The following PDXDC1 variants were observed in gnomAD, a reference collection of about 807,000 sequenced individuals.
PDXDC1 encodes the protein pyridoxal dependent decarboxylase domain containing 1, also known as pyridoxal-dependent decarboxylase domain-containing protein 1.
PDXDC1 carries 42 observed loss-of-function variants against 100.1 expected under a neutral mutation model. That is an observed-to-expected ratio of 0.42 (90% CI 0.33 to 0.54). The LOEUF (loss-of-function observed/expected upper bound fraction) is 0.54, where lower values mean the gene tolerates loss of function less well. PDXDC1 is among the 20% of genes least tolerant of loss of function. PDXDC1 has a pLI of 0.10. For missense variants in PDXDC1, 636 were observed against 979.2 expected (o/e 0.65, Z 4.68); for synonymous variants, 260 against 371.7 (o/e 0.70, Z 3.46).
At chr16:15,128,759 C>T (rs1306542562) in intron 16 of PDXDC1, among the ~76,000 whole-genome samples, 4 of 151,936 alleles carry the variant, frequency 2.6e-5, no homozygotes, top group Non-Finnish European at 4.4e-5. Flanking sequence ...GACTGCAAAG[C>T]GTGAAGCTGT....
intron 1 of PDXDC1, among the ~76,000 whole-genome samples, chr16:14,993,125 A>T (rs75768407): frequency 6.6e-6 from 1 of 152,088 alleles, no homozygotes; most frequent in Non-Finnish European, 1.5e-5. Context: ...ATGACACTTT[A>T]AAAAAAAATT....
chr16:15,145,659 A>G, the PDXDC1 span, among the ~76,000 whole-genome samples: 1 of 152,144 alleles, frequency 6.6e-6, no homozygotes, highest in Non-Finnish European at 1.5e-5. Flanking sequence ...GTGCCTGGGC[A>G]CCCCGGCCCC....
chr16:14,990,719 C>T (rs1970585765), intron 1 of PDXDC1, among the ~76,000 whole-genome samples: 1 of 152,286 alleles, frequency 6.6e-6, no homozygotes, highest in Non-Finnish European at 1.5e-5. Flanking sequence ...GGCTTACTCC[C>T]TGAAGAGCAA....
At chr16:15,017,946 C>T (rs530665643) in intron 11 of PDXDC1, among the ~76,000 whole-genome samples, 1 of 152,232 alleles carries the variant, frequency 6.6e-6, no homozygotes, top group Admixed American at 6.5e-5. Context: ...AGGCATGCGC[C>T]ACCACGCCCG....
intron 16 of PDXDC1, among the ~76,000 whole-genome samples, chr16:15,101,071 T>A (rs547788314): frequency 6.6e-6 from 1 of 152,322 alleles, no homozygotes; most frequent in South Asian, 2.1e-4. Flanking sequence ...AGAACTTCAA[T>A]TTTCTTATGT....
intron 1 of PDXDC1, among the ~76,000 whole-genome samples, chr16:14,980,928 T>G: frequency 6.6e-6 from 1 of 152,284 alleles, no homozygotes; most frequent in Non-Finnish European, 1.5e-5. Flanking sequence ...TAATCGAAGG[T>G]GAGCTGTGGT....
At chr16:15,058,717 T>C (rs1395804815) in intron 16 of PDXDC1, among the ~76,000 whole-genome samples, 1 of 152,090 alleles carries the variant, frequency 6.6e-6, no homozygotes, top group African/African-American at 2.4e-5. Context: ...GGTGACAGAG[T>C]GAGACTCTTG....
chr16:15,147,418 G>A, the PDXDC1 span, among the ~76,000 whole-genome samples: 1 of 152,226 alleles, frequency 6.6e-6, no homozygotes, highest in African/African-American at 2.4e-5. Flanking sequence ...AATGAGACCA[G>A]GAGTGGCTGC....
At chr16:15,072,288 T>C (rs1385845555) in intron 16 of PDXDC1, among the ~76,000 whole-genome samples, 3 of 149,778 alleles carry the variant, frequency 2.0e-5, no homozygotes, top group Middle Eastern at 3.2e-3. Context: ...AGACAAAGCC[T>C]AAAGTTTTTA....
rs747661909 is a variant in PDXDC1 at position 15,038,007 on chromosome 16, G to GCTTT, written c.*1737_*1740dup. The GCTTT allele has an allele frequency of 2.5e-6, 4 of 1,587,146 alleles. No homozygotes were observed. The highest frequency in any genetic ancestry group is 1.3e-5 in the African/African-American group (1 of 74,170). Reference sequence around the variant, plus strand: ...CAATGGTCTGTCAGGCCAAGAAGGTGCTTTCTTTGGTAATTCATGTTTTTT... The same window carrying GCTTT: ...CAATGGTCTGTCAGGCCAAGAAGGTGCTTTCTTTCTTTGGTAATTCATGTTTTTT... On this transcript the variant is annotated 3_prime_UTR_variant, in exon 23 of 23. Transcript: ENST00000396410.
chr16:15,094,253 C>T (rs1361650649), intron 16 of PDXDC1: 10 of 1,549,828 alleles, frequency 6.5e-6, no homozygotes, highest in Non-Finnish European at 8.8e-6. Context: ...CTAACGCGAC[C>T]GCTGCGCCTC....
In PDXDC1 at chr16:15,028,925, G is replaced by C. The variant is rs370720011; in HGVS notation, c.1252G>C (p.Val418Leu). The C allele has an allele frequency of 1.2e-5, 20 of 1,613,736 alleles. No homozygotes were observed. Among genetic ancestry groups the C allele is most frequent in the Non-Finnish European group, 1.7e-5 (20 of 1,180,030 alleles). Residue 418 changes from valine (V) to leucine (L), a missense_variant, in exon 15 of 23, where the codon GTC (valine) becomes CTC (leucine). By Grantham distance (32) the Val-to-Leu change is conservative. Around this residue, in one of 4 missense-constraint regions of PDXDC1, gnomAD observed 44 missense variants for 46.9 expected, o/e 0.94. Transcript: ENST00000396410. ...AGTGCCCAACATGACACCTTCAGGA[G>C]TCGGCCGGGAGAGGCACTCGTGTGA... The part of the protein sequence containing the change: ...VPVPNMTPSG[V>L]GRERHSCDAL...
intron 1 of PDXDC1, among the ~76,000 whole-genome samples, chr16:14,984,496 T>TATATATATATATATATATATA: frequency 2.0e-5 from 1 of 51,220 alleles, no homozygotes. Flanking sequence ...TATATATATA[T>TATATATATATATATATATATA]TTTTTTTTTT....
the PDXDC1 span, among the ~76,000 whole-genome samples, chr16:15,150,260 G>C: frequency 6.6e-6 from 1 of 151,946 alleles, no homozygotes; most frequent in Non-Finnish European, 1.5e-5. Flanking sequence ...AGAATGGCGT[G>C]AACCCAGGCG....
chr16:15,044,105 T>C (rs2043946413), intron 16 of PDXDC1, among the ~76,000 whole-genome samples: 1 of 152,190 alleles, frequency 6.6e-6, no homozygotes, highest in Admixed American at 6.5e-5. Context: ...ATGTGTTCAC[T>C]GCTGTTTTAG....
intron 16 of PDXDC1, chr16:15,073,135 T>C (rs2045306456): frequency 1.3e-5 from 20 of 1,573,490 alleles, no homozygotes; most frequent in Admixed American, 1.9e-5. Flanking sequence ...TCAAGTTTCA[T>C]CTGCCATATT....
chr16:15,104,898 T>G, intron 16 of PDXDC1: 1 of 1,533,310 alleles, frequency 6.5e-7, no homozygotes, highest in Admixed American at 1.9e-5. Context: ...AATAGCAGTA[T>G]CAGTGTCATA....
intron 16 of PDXDC1, chr16:15,083,738 C>T (rs933394102): frequency 5.2e-5 from 51 of 985,548 alleles, no homozygotes; most frequent in Middle Eastern, 3.5e-4. Context: ...TTTTTTGAGA[C>T]GGAGTTTCGC....
intron 15 of PDXDC1, 103 bp from the exon 16 acceptor site, chr16:15,029,848 T>C (rs2042924080): frequency 1.1e-5 from 11 of 981,670 alleles, no homozygotes; most frequent in Non-Finnish European, 1.5e-5. Flanking sequence ...AGGAATCAGC[T>C]CTCCAGGAGG....
Sources: gnomAD v4.1 joint callset for allele counts (sites outside exome capture counted in the v4.1 genomes callset) on GRCh38, gnomAD v4.1.1 for gene constraint, gnomAD v4.1.1 regional missense constraint, MANE v1.5 for transcripts, NCBI Gene and HGNC (gene_info 2026-07-23, HGNC 2026-07-21) for gene names.